Variants in CMIP observed in about 807,000 individuals in gnomAD.
CMIP encodes the protein c-Maf inducing protein.
In CMIP, 13 loss-of-function variants were observed where a neutral mutation model predicts 97.3. That is an observed-to-expected ratio of 0.13 (90% confidence interval 0.09 to 0.21). The LOEUF (loss-of-function observed/expected upper bound fraction) is 0.21, where lower values mean the gene tolerates loss of function less well. CMIP is among the 10% of genes least tolerant of loss of function. CMIP has a pLI of 1.00. For missense variants in CMIP, 847 were observed against 1,024.9 expected (o/e 0.83, Z 2.37); for synonymous variants, 538 against 436.3 (o/e 1.23, Z -2.91).
chr16:81,700,250 G>A (rs2151095071), intron 15 of CMIP, among the ~76,000 whole-genome samples: 1 of 152,070 alleles, frequency 6.6e-6, no homozygotes, highest in East Asian at 1.9e-4. Context: ...TTGGCGGCTG[G>A]GGCTCCCCAG....
intron 1 of CMIP, among the ~76,000 whole-genome samples, chr16:81,552,089 C>A (rs1486854202): frequency 6.6e-6 from 1 of 152,138 alleles, no homozygotes; most frequent in Non-Finnish European, 1.5e-5. Context: ...TTAGGAGGGA[C>A]TTGTGTGACA....
At chr16:81,507,316 C>T (rs2089727985) in intron 1 of CMIP, among the ~76,000 whole-genome samples, 1 of 152,194 alleles carries the variant, frequency 6.6e-6, no homozygotes, top group African/African-American at 2.4e-5. Flanking sequence ...TACCCTCCCT[C>T]TGCAGCTGCT....
chr16:81,662,468 G>A (rs1333926559), intron 6 of CMIP, among the ~76,000 whole-genome samples: 1 of 152,180 alleles, frequency 6.6e-6, no homozygotes, highest in Non-Finnish European at 1.5e-5. Flanking sequence ...AGGGCCGTCT[G>A]CCTTTTGGAG....
At chr16:81,653,599 C>T (rs1444850029) in intron 4 of CMIP, among the ~76,000 whole-genome samples, 1 of 152,220 alleles carries the variant, frequency 6.6e-6, no homozygotes, top group Non-Finnish European at 1.5e-5. Context: ...GCAGACTTCT[C>T]ATCTGGAGAA....
chr16:81,605,435 C>T (rs1401801303), intron 1 of CMIP, among the ~76,000 whole-genome samples: 3 of 152,220 alleles, frequency 2.0e-5, no homozygotes, highest in Non-Finnish European at 2.9e-5. Context: ...CAGGCTGTCC[C>T]CCTGCCACCA....
intron 8 of CMIP, among the ~76,000 whole-genome samples, chr16:81,670,526 T>G (rs1334075406): frequency 1.3e-5 from 2 of 149,298 alleles, no homozygotes; most frequent in South Asian, 4.3e-4. Flanking sequence ...GTCGGGTGCT[T>G]GAACAATCAC....
At chr16:81,459,679 AG>A (rs888900597) in intron 1 of CMIP, among the ~76,000 whole-genome samples, 1 of 152,130 alleles carries the variant, frequency 6.6e-6, no homozygotes, top group African/African-American at 2.4e-5. Flanking sequence ...CTCCGGTCTG[AG>A]CACACCCGTG....
chr16:81,594,101 C>T (rs1222411799), intron 1 of CMIP, among the ~76,000 whole-genome samples: 2 of 121,612 alleles, frequency 1.6e-5, no homozygotes, highest in African/African-American at 3.2e-5. Flanking sequence ...CTCTTCCTCC[C>T]CCTCCTCCCC....
chr16:81,542,537 C>G (rs1204981601), intron 1 of CMIP, among the ~76,000 whole-genome samples: 1 of 152,164 alleles, frequency 6.6e-6, no homozygotes, highest in African/African-American at 2.4e-5. Flanking sequence ...GGGTCGTATT[C>G]TCCATCTGTG....
chr16:81,605,133 A>G (rs2091720656), intron 1 of CMIP, among the ~76,000 whole-genome samples: 1 of 152,186 alleles, frequency 6.6e-6, no homozygotes, highest in South Asian at 2.1e-4. Context: ...GACAAGACAT[A>G]CTGTTAGGGC....
In CMIP at chr16:81,602,104, C is replaced by T. The variant is rs147070348; in HGVS notation, c.301-5463C>T. Among the ~76,000 whole-genome samples the T allele has an allele frequency of 4.6e-5, 7 of 152,208 alleles. No homozygotes were observed. In the East Asian group the frequency reaches 7.7e-4, roughly 17 times the overall value. ...TTCACTGCGGAGTTGTGCATGGCAG[C>T]ATAAAATGAAACAGTGGCACTGTCC... On this transcript the variant is annotated intron_variant, in intron 1 of 20. Coordinates refer to ENST00000537098, the MANE Select transcript of CMIP (RefSeq NM_198390.3).
intron 1 of CMIP, chr16:81,495,495 G>T: frequency 6.2e-7 from 1 of 1,613,096 alleles, no homozygotes. Context: ...GGCTGCTGAG[G>T]TACAGTCCCA....
rs1905729747 is a variant in CMIP, at chr16:81,444,924, C to G, written c.-318C>G. ...CCCCCACCCCGGCGCCCGCCCTCCG[C>G]GCCTGGCCCCGGCCCGCCCTCGGCC... is the stretch of plus-strand genomic sequence containing the variant. On this transcript the variant is annotated 5_prime_UTR_variant, in exon 1 of 21. Coordinates refer to ENST00000537098, the MANE Select transcript of CMIP (RefSeq NM_198390.3). Among the ~76,000 whole-genome samples the G allele has an allele frequency of 7.5e-6, 1 of 133,012 alleles. No individual in the cohort carries two copies. The highest frequency in any genetic ancestry group is 7.2e-5 in the Admixed American group (1 of 13,880). 87.3% of individuals were successfully genotyped at this position (133,012 alleles called of 152,430 possible). A position where few individuals can be genotyped will look rare whatever the true frequency, so the allele number is the denominator to read the frequency against.
In CMIP at chr16:81,484,085, A is replaced by C. The variant is rs1393342369; in HGVS notation, c.300+38544A>C. ...CGAGATGTGAGATTCATTGGCGGAC[A>C]AACCAGATAGCGTTTTTGCCAAGTC... On this transcript the variant is annotated intron_variant, in intron 1 of 20. Coordinates refer to ENST00000537098, the MANE Select transcript of CMIP (RefSeq NM_198390.3). Among the ~76,000 whole-genome samples the C allele has an allele frequency of 2.0e-5, 3 of 152,296 alleles. No homozygotes were observed. The East Asian group carries it at 5.8e-4, about 29-fold the overall frequency.
intron 7 of CMIP, among the ~76,000 whole-genome samples, chr16:81,669,721 TCA>T (rs1189423312): frequency 9.2e-6 from 1 of 108,560 alleles, no homozygotes; most frequent in Non-Finnish European, 1.9e-5. Context: ...CATACCCACC[TCA>T]CACTCACCTC....
chr16:81,548,103 G>A (rs371313474), intron 1 of CMIP, among the ~76,000 whole-genome samples: 9 of 150,864 alleles, frequency 6.0e-5, no homozygotes, highest in African/African-American at 2.2e-4. Context: ...TTCAGCCTCA[G>A]CTCTACTGAC....
At chr16:81,481,823 C>G (rs2966082) in intron 1 of CMIP, among the ~76,000 whole-genome samples, 102,625 of 150,954 alleles carry the variant, frequency 0.68, 35,299 homozygotes, top group East Asian at 0.78. Flanking sequence ...GGCAGCATCA[C>G]TCCAACCTCT....
chr16:81,541,299 C>G (rs2090444791), intron 1 of CMIP, among the ~76,000 whole-genome samples: 2 of 152,030 alleles, frequency 1.3e-5, no homozygotes, highest in South Asian at 4.2e-4. Context: ...AAAAGGAATC[C>G]TGTCATATAG....
At chr16:81,597,593 CGGG>C (rs35366336) in intron 1 of CMIP, among the ~76,000 whole-genome samples, 1,446 of 54,232 alleles carry the variant, frequency 0.027, 48 homozygotes, top group African/African-American at 0.072. Flanking sequence ...GCGAGGGGAG[CGGG>C]GGGGGGGGAG....
Sources: gnomAD v4.1 joint callset for allele counts (sites outside exome capture counted in the v4.1 genomes callset) on GRCh38, gnomAD v4.1.1 for gene constraint, MANE v1.5 for transcripts, NCBI Gene and HGNC (gene_info 2026-07-23, HGNC 2026-07-21) for gene names.